Variants in MAP3K15 observed in about 807,000 individuals in gnomAD.
MAP3K15 encodes the protein mitogen-activated protein kinase kinase kinase 15.
MAP3K15 carries 124 observed loss-of-function variants against 99.5 expected under a neutral mutation model. The ratio of observed to expected loss-of-function variants is 1.25; its 90% CI spans 1.08 to 1.45. The LOEUF is 1.45. MAP3K15 is among the 40% of genes most tolerant of loss of function. The probability of loss-of-function intolerance (pLI) is 0.00; values close to 1 mark genes in which losing one functional copy is unlikely to be tolerated. For synonymous variants in MAP3K15, 494 were observed against 439.6 expected, an observed-to-expected ratio of 1.12 and a Z score of -1.55; for missense variants, 1,242 against 1,079.7, an observed-to-expected ratio of 1.15 and a Z score of -2.11.
chrX:19,361,705 G>A (rs906163697), intron 26 of MAP3K15, 112 bp from the exon 27 acceptor site: 33 of 525,724 alleles, frequency 6.3e-5, no homozygotes, highest in Admixed American at 3.8e-4. Context: ...AAAAAGAGAT[G>A]AATTAACCCT....
rs1458261095 is a variant in MAP3K15 at position 19,486,477 on chromosome X, C to T, written c.525+5G>A. ...AATTAAAATTCTGAAAATGTTAATA[C>T]TTACTGTGTTTTTTTGAGTTACCAT... is the stretch of plus-strand genomic sequence containing the variant. On this transcript the variant is annotated splice_donor_5th_base_variant and intron_variant, in intron 3 of 28. Transcript: ENST00000338883. 4 of 833,832 alleles carry T rather than the reference C, an allele frequency of 4.8e-6. No homozygotes were observed. In the East Asian group the frequency reaches 1.5e-4, roughly 32 times the overall value. 68.7% of individuals were successfully genotyped at this position (833,832 alleles called of 1,213,427 possible).
chrX:19,411,012 C>T (rs1169804561), intron 11 of MAP3K15, among the ~76,000 whole-genome samples: 1 of 110,233 alleles, frequency 9.1e-6, no homozygotes, highest in African/African-American at 3.3e-5. Context: ...GCTGAAACCC[C>T]GTCTCTACTA....
In MAP3K15 at chrX:19,399,392, G is replaced by A. The variant is rs189834129; in HGVS notation, c.1933-1033C>T. ...AGCCTGGCCAACATGGTGAAATCCC[G>A]TTTCTACTAAAAATACAAAAAATTA... On this transcript the variant is annotated intron_variant, in intron 14 of 28. Coordinates refer to ENST00000338883, the MANE Select transcript of MAP3K15 (RefSeq NM_001001671.4). 3.0e-3 allele frequency among the ~76,000 whole-genome samples: 335 copies of A among 110,696 alleles called. 2 individuals are homozygous for A. Among genetic ancestry groups the A allele is most frequent in the African/African-American group, 0.01 (314 of 30,473 alleles).
chrX:19,374,727 C>A, intron 19 of MAP3K15, 67 bp from the exon 20 acceptor site: 1 of 993,780 alleles, frequency 1.0e-6, no homozygotes. Flanking sequence ...ATCCATGTCT[C>A]AGTCCAAAGC....
chrX:19,384,993 C>G (rs141087635), intron 18 of MAP3K15, among the ~76,000 whole-genome samples: 2,141 of 110,656 alleles, frequency 0.019, 63 homozygotes, highest in African/African-American at 0.067. Flanking sequence ...AAATATGGAG[C>G]CATGGTGAAC....
At position 19,490,140 on chromosome X, in the gene MAP3K15, T is replaced by C. The variant is rs866073638; in HGVS notation, c.362-1173A>G. Among the ~76,000 whole-genome samples the C allele has an allele frequency of 7.7e-4, 71 of 92,471 alleles. 1 individual carries two copies. The highest frequency in any genetic ancestry group is 6.8e-3 in the Admixed American group (57 of 8,334). 80.3% of individuals were successfully genotyped at this position (92,471 alleles called of 115,157 possible). ...TACGTACAGGCATGTATAGGCATTA[T>C]ACACACACACACACACACACACACA... is the stretch of plus-strand genomic sequence containing the variant. On this transcript the variant is annotated intron_variant, in intron 1 of 28. Coordinates refer to ENST00000338883, the MANE Select transcript of MAP3K15 (RefSeq NM_001001671.4).
Position 19,502,887 on chromosome X carries a change from T to C in MAP3K15, c.361+12014A>G, listed in dbSNP as rs12558931. 7.7e-3 allele frequency among the ~76,000 whole-genome samples: 865 copies of C among 111,654 alleles called. 20 individuals are homozygous for C. The highest frequency in any genetic ancestry group is 0.076 in the Admixed American group (791 of 10,392). On this transcript the variant is annotated intron_variant, in intron 1 of 28. Transcript: ENST00000338883. ...AGTCTCAGTTACTATCTTGTAGCAC[T>C]GTGAAAATAGACTAATATGGGGACG... is the stretch of plus-strand genomic sequence containing the variant.
chrX:19,415,385 A>C, intron 9 of MAP3K15, 128 bp from the exon 10 acceptor site: 6 of 583,849 alleles, frequency 1.0e-5, no homozygotes, highest in Non-Finnish European at 1.5e-5. Flanking sequence ...AGTGCTTCAT[A>C]AACGACTGCT....
chrX:19,430,243 G>A (rs886497672), intron 7 of MAP3K15, among the ~76,000 whole-genome samples: 3 of 112,049 alleles, frequency 2.7e-5, no homozygotes, highest in Non-Finnish European at 5.6e-5. Context: ...TAGAGGCTTT[G>A]CTGCTCCCTT....
intron 5 of MAP3K15, among the ~76,000 whole-genome samples, chrX:19,458,097 C>A (rs1238022369): frequency 8.9e-6 from 1 of 112,278 alleles, no homozygotes; most frequent in Non-Finnish European, 1.9e-5. Flanking sequence ...AACTTGCTGA[C>A]AGCCAGCCAT....
chrX:19,474,428 T>C (rs772147455), intron 3 of MAP3K15, among the ~76,000 whole-genome samples: 1 of 108,221 alleles, frequency 9.2e-6, no homozygotes, highest in African/African-American at 3.4e-5. Flanking sequence ...GTCAGCCTCA[T>C]TAGATGATAG....
intron 1 of MAP3K15, among the ~76,000 whole-genome samples, chrX:19,514,217 G>A (rs939437353): frequency 2.7e-5 from 3 of 109,463 alleles, no homozygotes; most frequent in African/African-American, 1.0e-4. Context: ...TCATTGGTCT[G>A]GGGTCCGATC....
chrX:19,514,308 C>CCT (rs1445379067), intron 1 of MAP3K15, among the ~76,000 whole-genome samples: 1 of 105,988 alleles, frequency 9.4e-6, no homozygotes, highest in Non-Finnish European at 1.9e-5. Flanking sequence ...AAGAGACCTT[C>CCT]CAGGAATGAG....
At chrX:19,474,464 T>G (rs1394587048) in intron 3 of MAP3K15, among the ~76,000 whole-genome samples, 1 of 97,692 alleles carries the variant, frequency 1.0e-5, no homozygotes, top group Non-Finnish European at 2.0e-5. Flanking sequence ...CATTTTTTTT[T>G]GCACAAATAT....
chrX:19,424,209 C>CAT (rs1284170365), intron 9 of MAP3K15, among the ~76,000 whole-genome samples: 1 of 104,863 alleles, frequency 9.5e-6, no homozygotes, highest in Non-Finnish European at 1.9e-5. Context: ...CACACACACA[C>CAT]ATATATACAC....
intron 14 of MAP3K15, among the ~76,000 whole-genome samples, chrX:19,399,078 C>T (rs751099766): frequency 5.1e-4 from 57 of 112,212 alleles, no homozygotes; most frequent in African/African-American, 1.7e-3. Context: ...AGCTTATACA[C>T]GGAATAGTCG....
intron 18 of MAP3K15, among the ~76,000 whole-genome samples, chrX:19,382,668 T>C (rs1047502814): frequency 1.8e-5 from 2 of 111,231 alleles, no homozygotes; most frequent in Non-Finnish European, 3.8e-5. Context: ...AGTTGCAGAG[T>C]TGGGCAACAT....
chrX:19,465,527 T>C (rs1046002898), intron 3 of MAP3K15, among the ~76,000 whole-genome samples: 29 of 106,385 alleles, frequency 2.7e-4, no homozygotes, highest in Admixed American at 7.1e-4. Context: ...GAGTGGATTA[T>C]TTGAGGTCAG....
At position 19,456,905 on chromosome X, in the gene MAP3K15, GTTC is replaced by G; in HGVS notation, c.995+5_995+7del. ...TTTCAAAACCTGTACGTACATTATC[GTTC>G]TTACCTATTCAGTGCAAACGCATAG... On this transcript the variant is annotated splice_donor_5th_base_variant and intron_variant, in intron 6 of 28. Transcript: ENST00000338883. 1 of 1,158,179 alleles carries G rather than the reference GTTC, an allele frequency of 8.6e-7. No individual in the cohort carries two copies. Among genetic ancestry groups the G allele is most frequent in the Non-Finnish European group, 1.2e-6 (1 of 859,063 alleles).
Sources: allele counts gnomAD v4.1 joint callset (sites outside exome capture counted in the v4.1 genomes callset), GRCh38; gene constraint gnomAD v4.1.1; transcripts MANE v1.5; gene names NCBI Gene and HGNC (gene_info 2026-07-23, HGNC 2026-07-21).